Variants in NRG3 observed in about 807,000 individuals in gnomAD.
NRG3 encodes pro-neuregulin-3, membrane-bound isoform.
In NRG3, 31 loss-of-function variants were observed where a neutral mutation model predicts 66.9. The ratio of observed to expected loss-of-function variants is 0.46; its 90% CI spans 0.35 to 0.63. The LOEUF (loss-of-function observed/expected upper bound fraction) is 0.63. NRG3 is among the 20% of genes least tolerant of loss of function. The probability of loss-of-function intolerance (pLI) is 0.00; values close to 1 mark genes in which losing one functional copy is unlikely to be tolerated. For missense variants in NRG3, 910 were observed against 878.9 expected, an observed-to-expected ratio of 1.04 and a Z score of -0.45; for synonymous variants, 393 against 359.4, an observed-to-expected ratio of 1.09 and a Z score of -1.06.
chr10:82,792,547 T>C (rs954355432), intron 3 of NRG3, among the ~76,000 whole-genome samples: 1 of 152,204 alleles, frequency 6.6e-6, no homozygotes, highest in Non-Finnish European at 1.5e-5. Context: ...GTTTTTTGTC[T>C]TGGTCTTGCT....
intron 1 of NRG3, among the ~76,000 whole-genome samples, chr10:82,318,045 C>A (rs529689295): frequency 2.0e-5 from 3 of 151,744 alleles, no homozygotes; most frequent in African/African-American, 7.3e-5. Flanking sequence ...GGCAGGGGAA[C>A]AACGAGATAT....
At chr10:82,104,387 AC>A in intron 1 of NRG3, among the ~76,000 whole-genome samples, 1 of 152,352 alleles carries the variant, frequency 6.6e-6, no homozygotes, top group Admixed American at 6.5e-5. Context: ...GAAAATATCT[AC>A]ACATATCAGA....
intron 1 of NRG3, among the ~76,000 whole-genome samples, chr10:81,926,509 A>C (rs58889695): frequency 0.027 from 4,074 of 152,230 alleles, 172 homozygotes; most frequent in African/African-American, 0.091. Context: ...TTTTTATAAG[A>C]TAAAATAGAA....
intron 6 of NRG3, among the ~76,000 whole-genome samples, chr10:82,966,626 C>G (rs759980041): frequency 3.3e-5 from 5 of 152,156 alleles, no homozygotes; most frequent in Non-Finnish European, 5.9e-5. Flanking sequence ...GCATAGCCCA[C>G]TCTTAAGGAG....
chr10:82,853,040 G>T (rs919672634), intron 3 of NRG3, among the ~76,000 whole-genome samples: 1 of 152,174 alleles, frequency 6.6e-6, no homozygotes, highest in African/African-American at 2.4e-5. Flanking sequence ...TGAGGTGTTA[G>T]AATAGGGTAA....
intron 1 of NRG3, among the ~76,000 whole-genome samples, chr10:82,201,941 T>A (rs2074848949): frequency 6.6e-6 from 1 of 152,092 alleles, no homozygotes; most frequent in African/African-American, 2.4e-5. Context: ...GCCCCACAGG[T>A]ACATAAAGTT....
intron 3 of NRG3, among the ~76,000 whole-genome samples, chr10:82,764,279 C>CTT (rs2059431329): frequency 6.6e-6 from 1 of 152,150 alleles, no homozygotes; most frequent in Non-Finnish European, 1.5e-5. Flanking sequence ...AAGTGATCTG[C>CTT]CCGCTTCAGC....
chr10:82,028,310 T>C (rs1165711353), intron 1 of NRG3, among the ~76,000 whole-genome samples: 1 of 152,094 alleles, frequency 6.6e-6, no homozygotes, highest in East Asian at 1.9e-4. Flanking sequence ...AAACCCCCAT[T>C]AGAAGTCAAA....
intron 2 of NRG3, among the ~76,000 whole-genome samples, chr10:82,491,332 G>A (rs919268427): frequency 9.3e-5 from 4 of 42,896 alleles, no homozygotes; most frequent in Admixed American, 2.3e-4. Context: ...AAGATGCATC[G>A]CTTTCTAACA....
At chr10:82,223,642 A>AACAC (rs398014296) in intron 1 of NRG3, among the ~76,000 whole-genome samples, 1,541 of 137,984 alleles carry the variant, frequency 0.011, 16 homozygotes, top group African/African-American at 0.024. Flanking sequence ...AACCACCCCA[A>AACAC]ACACACACAC....
chr10:82,814,608 A>G (rs1030689372), intron 3 of NRG3, among the ~76,000 whole-genome samples: 3 of 152,214 alleles, frequency 2.0e-5, no homozygotes, highest in African/African-American at 4.8e-5. Flanking sequence ...CTTCTGACCC[A>G]TGAGAAAACA....
intron 1 of NRG3, among the ~76,000 whole-genome samples, chr10:82,312,629 A>C (rs1213376636): frequency 2.0e-5 from 3 of 152,156 alleles, no homozygotes; most frequent in Non-Finnish European, 4.4e-5. Context: ...TTGTACTTGG[A>C]TTAGGGGGTA....
At chr10:82,223,990 G>T (rs1202776307) in intron 1 of NRG3, among the ~76,000 whole-genome samples, 4 of 152,086 alleles carry the variant, frequency 2.6e-5, no homozygotes, top group African/African-American at 9.7e-5. Flanking sequence ...AATGTTGCCG[G>T]ATTCTGGGCC....
intron 2 of NRG3, among the ~76,000 whole-genome samples, chr10:82,606,589 C>T (rs1399212664): frequency 6.6e-6 from 1 of 151,928 alleles, no homozygotes; most frequent in Non-Finnish European, 1.5e-5. Context: ...CTGAAAACAC[C>T]AGCACAAGGT....
chr10:81,926,191 C>G (rs577620214), intron 1 of NRG3, among the ~76,000 whole-genome samples: 1 of 152,234 alleles, frequency 6.6e-6, no homozygotes, highest in East Asian at 1.9e-4. Flanking sequence ...AATCTCGGCT[C>G]ACTGCAACCT....
chr10:82,297,967 C>T (rs1418367890), intron 1 of NRG3, among the ~76,000 whole-genome samples: 1 of 151,968 alleles, frequency 6.6e-6, no homozygotes, highest in Non-Finnish European at 1.5e-5. Context: ...CATGGCAAAA[C>T]CTTGTCTCTA....
intron 2 of NRG3, among the ~76,000 whole-genome samples, chr10:82,730,473 A>G (rs2057844882): frequency 6.6e-6 from 1 of 152,214 alleles, no homozygotes; most frequent in Non-Finnish European, 1.5e-5. Flanking sequence ...ATCAGACAAA[A>G]AATGTATGAT....
chr10:82,386,831 G>C (rs1202870252), intron 2 of NRG3, among the ~76,000 whole-genome samples: 5 of 152,028 alleles, frequency 3.3e-5, no homozygotes, highest in African/African-American at 1.2e-4. Context: ...ATGGAGGCCT[G>C]CTCTGTCGCC....
chr10:82,693,718 C>T (rs2055132512), intron 2 of NRG3, among the ~76,000 whole-genome samples: 2 of 152,160 alleles, frequency 1.3e-5, no homozygotes, highest in African/African-American at 4.8e-5. Flanking sequence ...AAAGGTGGTG[C>T]ATCCGGAGTT....
Sources: allele counts gnomAD v4.1 joint callset (sites outside exome capture counted in the v4.1 genomes callset), GRCh38; gene constraint gnomAD v4.1.1; transcripts MANE v1.5; gene names NCBI Gene and HGNC (gene_info 2026-07-23, HGNC 2026-07-21).